CHEK2: variants seen among roughly 807,000 people sequenced by gnomAD.
CHEK2 encodes serine/threonine-protein kinase Chk2.
A neutral mutation model predicts 69.1 loss-of-function variants in CHEK2; 71 were observed. That is an observed-to-expected ratio of 1.03 (90% confidence interval 0.85 to 1.25). CHEK2 has a LOEUF of 1.25. Ranked by LOEUF, CHEK2 falls within the 50% of genes most tolerant of loss-of-function variation. The pLI is 0.00. For missense variants in CHEK2, 664 were observed against 649.6 expected, an observed-to-expected ratio of 1.02 and a Z score of -0.24; for synonymous variants, 189 against 226.9, an observed-to-expected ratio of 0.83 and a Z score of 1.50.
intron 8 of CHEK2, 22 bp downstream of exon 8, chr22:28,703,483 T>C (rs1260854523): frequency 1.6e-6 from 2 of 1,230,860 alleles, no homozygotes; most frequent in East Asian, 2.4e-5. Flanking sequence ...AAACAGAAAT[T>C]TTTAAAAAGT....
At chr22:28,696,561 G>T (rs1475920235) in intron 10 of CHEK2, among the ~76,000 whole-genome samples, 3 of 151,986 alleles carry the variant, frequency 2.0e-5, no homozygotes. Context: ...TTTTTGCCAT[G>T]TTGGCCAGGT....
chr22:28,700,675 C>T (rs2052806989), intron 8 of CHEK2, among the ~76,000 whole-genome samples: 1 of 152,276 alleles, frequency 6.6e-6, no homozygotes, highest in South Asian at 2.1e-4. Flanking sequence ...CAGCTTGTTT[C>T]TACCACTTAA....
At chr22:28,701,280 G>A (rs556394947) in intron 8 of CHEK2, among the ~76,000 whole-genome samples, 55 of 151,672 alleles carry the variant, frequency 3.6e-4, no homozygotes, top group Non-Finnish European at 5.3e-4. Context: ...TGTCCATCAC[G>A]GCTCACTACA....
intron 1 of CHEK2, 136 bp from the exon 2 acceptor site, chr22:28,734,863 T>G: frequency 1.4e-6 from 1 of 732,260 alleles, no homozygotes; most frequent in African/African-American, 1.8e-5. Context: ...TCTCCAAAAA[T>G]TAAAAGTCCT....
chr22:28,700,025 A>C (rs2052776933), intron 8 of CHEK2, 88 bp from the exon 9 acceptor site: 2 of 837,520 alleles, frequency 2.4e-6, no homozygotes, highest in Non-Finnish European at 4.0e-6. Flanking sequence ...CAAATTCATT[A>C]AGACAAGCAA....
chr22:28,708,952 C>CA (rs374623367), intron 7 of CHEK2: 4,836 of 328,746 alleles, frequency 0.015, 33 homozygotes, highest in Non-Finnish European at 0.016. Flanking sequence ...GCCTCCGTCT[C>CA]AAAAAAAAAA....
chr22:28,717,104 C>T (rs759780475), intron 5 of CHEK2, among the ~76,000 whole-genome samples: 10 of 152,182 alleles, frequency 6.6e-5, no homozygotes, highest in African/African-American at 1.2e-4. Flanking sequence ...TCAGGCCAGG[C>T]GCGGTGGCTC....
chr22:28,725,519 G>T, intron 2 of CHEK2, 152 bp from the exon 3 acceptor site: 1 of 1,025,888 alleles, frequency 9.7e-7, no homozygotes, highest in Non-Finnish European at 1.5e-6. Context: ...TTAAAAATTA[G>T]GAGAGAAAAA....
intron 13 of CHEK2, among the ~76,000 whole-genome samples, chr22:28,692,765 A>T (rs1290274826): frequency 2.0e-5 from 3 of 152,164 alleles, no homozygotes; most frequent in Non-Finnish European, 4.4e-5. Flanking sequence ...ATCTCATCTC[A>T]AATTGTAATC....
chr22:28,701,202 G>C lies in CHEK2; in HGVS notation c.909-1265C>G, dbSNP rs376026476. On this transcript the variant is annotated intron_variant, in intron 8 of 14. Transcript: ENST00000404276. ...AGGCTCTCCCAGTGCTGTGATCAGG[G>C]GTGATCAGGGGTGTTTTTACCATAG... Among the ~76,000 whole-genome samples, 48 of 152,144 alleles carry C rather than the reference G, an allele frequency of 3.2e-4. 2 individuals are homozygous for C. Among genetic ancestry groups the C allele is most frequent in the African/African-American group, 9.6e-4 (40 of 41,486 alleles).
chr22:28,693,513 G>A (rs999280523), intron 13 of CHEK2, among the ~76,000 whole-genome samples: 6 of 152,100 alleles, frequency 3.9e-5, no homozygotes, highest in Admixed American at 6.5e-5. Flanking sequence ...CACCTATGAA[G>A]AGCAGTGGAC....
At chr22:28,730,558 A>G (rs1258928366) in intron 2 of CHEK2, 1 of 690,428 alleles carries the variant, frequency 1.4e-6, no homozygotes, top group African/African-American at 1.8e-5. Context: ...TCTACAAAAA[A>G]TAAAAATAAA....
chr22:28,701,788 T>C (rs927933145), intron 8 of CHEK2, among the ~76,000 whole-genome samples: 1 of 152,138 alleles, frequency 6.6e-6, no homozygotes, highest in African/African-American at 2.4e-5. Flanking sequence ...AGGACCCGCA[T>C]AGAAAGTCCT....
chr22:28,712,813 A>C (rs147386243), intron 5 of CHEK2, among the ~76,000 whole-genome samples: 1 of 152,350 alleles, frequency 6.6e-6, no homozygotes, highest in Non-Finnish European at 1.5e-5. Flanking sequence ...TTAAATATAC[A>C]TAACACAAAA....
At chr22:28,688,872 T>C (rs576144605) in intron 14 of CHEK2, among the ~76,000 whole-genome samples, 3 of 152,324 alleles carry the variant, frequency 2.0e-5, no homozygotes, top group African/African-American at 4.8e-5. Flanking sequence ...AATAGAGTCT[T>C]TCGAAATTGC....
At chr22:28,702,135 C>CTGTGTATGTG (rs1555916242) in intron 8 of CHEK2, among the ~76,000 whole-genome samples, 3 of 140,314 alleles carry the variant, frequency 2.1e-5, no homozygotes, top group Non-Finnish European at 4.6e-5. Context: ...GTGTGTGTGT[C>CTGTGTATGTG]TGTGTGTGTG....
At chr22:28,715,249 A>G (rs2053548985) in intron 5 of CHEK2, among the ~76,000 whole-genome samples, 1 of 152,140 alleles carries the variant, frequency 6.6e-6, no homozygotes, top group African/African-American at 2.4e-5. Context: ...CAGCTGAATC[A>G]AGAGATGGAG....
chr22:28,703,907 G>A (rs1250974800), intron 7 of CHEK2, among the ~76,000 whole-genome samples: 2 of 152,178 alleles, frequency 1.3e-5, no homozygotes, highest in Non-Finnish European at 2.9e-5. Context: ...AAGGAACCCT[G>A]AGGGAGACTG....
At chr22:28,709,317 G>A (rs567613509) in intron 7 of CHEK2, among the ~76,000 whole-genome samples, 1 of 152,182 alleles carries the variant, frequency 6.6e-6, no homozygotes, top group African/African-American at 2.4e-5. Context: ...CAAATAAAAG[G>A]TATTCAAAAG....
Sources: allele counts gnomAD v4.1 joint callset (sites outside exome capture counted in the v4.1 genomes callset), GRCh38; gene constraint gnomAD v4.1.1; transcripts MANE v1.5; gene names NCBI Gene and HGNC (gene_info 2026-07-23, HGNC 2026-07-21).